NFATC2: variants seen among roughly 807,000 people sequenced by gnomAD.
NFATC2 encodes the protein nuclear factor of activated T-cells, cytoplasmic 2.
Under a neutral mutation model 87.3 loss-of-function variants are expected in NFATC2, and 22 were observed. The observed-to-expected ratio is 0.25, with a 90% CI of 0.18 to 0.36. The LOEUF is 0.36. NFATC2 is among the 10% of genes least tolerant of loss of function. The pLI is 1.00. For synonymous variants in NFATC2, 565 were observed against 542.2 expected, an observed-to-expected ratio of 1.04 and a Z score of -0.58; for missense variants, 1,149 against 1,259.1, an observed-to-expected ratio of 0.91 and a Z score of 1.32.
intron 1 of NFATC2, among the ~76,000 whole-genome samples, chr20:51,527,099 C>T (rs1365787684): frequency 6.6e-6 from 1 of 151,922 alleles, no homozygotes; most frequent in African/African-American, 2.4e-5. Flanking sequence ...GGAGGTCTCA[C>T]TATGTTGCCC....
intron 6 of NFATC2, among the ~76,000 whole-genome samples, chr20:51,442,348 C>A (rs1448085503): frequency 2.0e-5 from 3 of 152,204 alleles, no homozygotes; most frequent in Non-Finnish European, 4.4e-5. Context: ...ATGAGAATCA[C>A]TTGAATCCGG....
At chr20:51,437,945 A>G (rs928304700) in intron 6 of NFATC2, among the ~76,000 whole-genome samples, 1 of 152,190 alleles carries the variant, frequency 6.6e-6, no homozygotes, top group Non-Finnish European at 1.5e-5. Flanking sequence ...AACATCACCC[A>G]TGCCCCCTTG....
intron 6 of NFATC2, among the ~76,000 whole-genome samples, chr20:51,436,407 TTTA>T (rs1434439609): frequency 4.0e-5 from 6 of 151,362 alleles, no homozygotes; most frequent in Admixed American, 6.6e-5. Flanking sequence ...TTTTTTTTTT[TTTA>T]AAAAGGCATT....
intron 4 of NFATC2, among the ~76,000 whole-genome samples, chr20:51,474,607 C>T (rs889252528): frequency 3.9e-5 from 6 of 152,162 alleles, no homozygotes; most frequent in Non-Finnish European, 7.4e-5. Context: ...CAGGAAAAAA[C>T]GGAGAGGTGG....
intron 3 of NFATC2, among the ~76,000 whole-genome samples, chr20:51,516,367 A>G (rs183598935): frequency 6.6e-6 from 1 of 152,360 alleles, no homozygotes; most frequent in African/African-American, 2.4e-5. Context: ...TATTTTAGGT[A>G]GTTTGATAAT....
chr20:51,482,367 CTT>C (rs11476808), intron 3 of NFATC2, among the ~76,000 whole-genome samples: 75 of 149,246 alleles, frequency 5.0e-4, no homozygotes, highest in Admixed American at 5.3e-4. Flanking sequence ...CTTGCTGTTC[CTT>C]TTTTTTTTTG....
chr20:51,524,024 T>G lies in NFATC2; in HGVS notation c.217A>C (p.Ser73Arg). 1.3e-6 allele frequency: 2 copies of G among 1,552,924 alleles called. No homozygotes were observed. Among genetic ancestry groups the G allele is most frequent in the South Asian group, 2.4e-5 (2 of 81,840 alleles). Residue 73 changes from serine (S) to arginine (R), a missense_variant, in exon 2 of 11, where the codon AGC becomes CGC. Transcript: ENST00000371564. The surrounding 1 kb of genome is among the most constrained non-coding windows in gnomAD (Gnocchi z 4.0). ...DVLDYGLKPYSPLASLSGEPP... is the reference protein window; with the variant it reads ...DVLDYGLKPYRPLASLSGEPP... ...TCGCCAGAGAGACTAGCAAGGGGGC[T>G]GTATGGCTTGAGGCCATAGTCCAGG...
chr20:51,481,153 C>G (rs1459130756), intron 3 of NFATC2, among the ~76,000 whole-genome samples: 1 of 152,206 alleles, frequency 6.6e-6, no homozygotes, highest in Non-Finnish European at 1.5e-5. Context: ...TCTGGAAGAG[C>G]CTTCCTCGCC....
At chr20:51,542,741 CGGGGAGGCGGGGGGG>C, upstream of NFATC2, 6 of 83,490 alleles carry the variant, frequency 7.2e-5, no homozygotes, top group Non-Finnish European at 7.9e-5. Flanking sequence ...TGTTGCAGCC[CGGGGAGGCGGGGGGG>C]GGGGGGGCGT....
intron 1 of NFATC2, among the ~76,000 whole-genome samples, chr20:51,535,519 C>T (rs2076705524): frequency 6.6e-6 from 1 of 152,202 alleles, no homozygotes; most frequent in South Asian, 2.1e-4. Flanking sequence ...TACTTTTCCC[C>T]AGGAGCTTTC....
At chr20:51,439,912 A>G (rs1249864538) in intron 6 of NFATC2, among the ~76,000 whole-genome samples, 1 of 152,188 alleles carries the variant, frequency 6.6e-6, no homozygotes, top group African/African-American at 2.4e-5. Flanking sequence ...CTGAAGATTA[A>G]ATATGGTAAC....
At chr20:51,468,441 C>T (rs542815376) in intron 5 of NFATC2, among the ~76,000 whole-genome samples, 1 of 152,344 alleles carries the variant, frequency 6.6e-6, no homozygotes, top group Admixed American at 6.5e-5. Context: ...AGCGAATTTA[C>T]ATTCTGTGCC....
chr20:51,524,075 A>C lies in NFATC2; in HGVS notation c.166T>G (p.Ser56Ala). 6.8e-7 allele frequency: 1 copy of C among 1,478,638 alleles called. No homozygotes were observed. Among genetic ancestry groups the C allele is most frequent in the Non-Finnish European group, 8.9e-7 (1 of 1,117,886 alleles). The allele number at this position is 1,478,638 out of a possible 1,614,324, so 91.6% of individuals were successfully genotyped here. A position where few individuals can be genotyped will look rare whatever the true frequency, so the allele number is the denominator to read the frequency against. The stretch of plus-strand genomic sequence containing the variant: ...ACATCATCGGGGTATGCGGGTCCGG[A>C]GGGTGGGCTGGCGACCTTATGTGCA... The part of the protein sequence containing the change: ...PNAHKVASPP[S>A]GPAYPDDVLD... Residue 56 changes from serine (S) to alanine (A), a missense_variant, in exon 2 of 11, where the codon TCC becomes GCC. Ser to Ala is a moderately conservative substitution (Grantham distance 99). Around this residue, in one of 3 missense-constraint regions of NFATC2, gnomAD observed 563 missense variants for 585.2 expected, o/e 0.96. Transcript: ENST00000371564. This position sits in a 1 kb window ranked among gnomAD's most constrained non-coding sequence, Gnocchi z 4.0.
intron 9 of NFATC2, among the ~76,000 whole-genome samples, chr20:51,401,777 A>ATAATT (rs1429078385): frequency 6.6e-6 from 1 of 152,180 alleles, no homozygotes; most frequent in African/African-American, 2.4e-5. Context: ...GGACTAGGTG[A>ATAATT]TAATTTAAGA....
Position 51,432,566 on chromosome 20 carries a change from G to T in NFATC2, c.2223C>A (p.Arg741=). 1 of 1,537,384 alleles carries T rather than the reference G, an allele frequency of 6.5e-7. No individual in the cohort carries two copies. ...FRTGLSSPDA[R]YQQQNPAAVL... is the part of the protein sequence containing the mutation. ...CGGCCGCTGGGTTCTGTTGCTGGTAGCGGGCGTCAGGGGATGAGAGCCCCG... is the reference window on the plus strand; with the variant it reads ...CGGCCGCTGGGTTCTGTTGCTGGTATCGGGCGTCAGGGGATGAGAGCCCCG... The change falls in exon 9 of 11, where the codon CGC becomes CGA. Residue 741 remains arginine, a synonymous_variant. Transcript: ENST00000371564. This position sits in a 1 kb window ranked among gnomAD's most constrained non-coding sequence, Gnocchi z 4.6.
intron 8 of NFATC2, among the ~76,000 whole-genome samples, chr20:51,434,168 G>C (rs896139158): frequency 4.0e-5 from 6 of 151,156 alleles, no homozygotes; most frequent in African/African-American, 9.8e-5. Flanking sequence ...CAAAACTGTG[G>C]GCACAAGTCA....
At chr20:51,491,695 T>G (rs1322490463) in intron 3 of NFATC2, among the ~76,000 whole-genome samples, 1 of 151,574 alleles carries the variant, frequency 6.6e-6, no homozygotes, top group East Asian at 2.0e-4. Flanking sequence ...AAAAATCAGC[T>G]CTCACAAGGC....
chr20:51,432,838 G>T lies in NFATC2; in HGVS notation c.2033-82C>A. 1 of 1,301,958 alleles carries T rather than the reference G, an allele frequency of 7.7e-7. No individual in the cohort carries two copies. Among genetic ancestry groups the T allele is most frequent in the South Asian group, 1.6e-5 (1 of 63,090 alleles). 80.7% of individuals were successfully genotyped at this position (1,301,958 alleles called of 1,614,324 possible). A position where few individuals can be genotyped will look rare whatever the true frequency, so the allele number is the denominator to read the frequency against. On this transcript the variant is annotated intron_variant, in intron 8 of 10. Coordinates refer to ENST00000371564, the MANE Select transcript of NFATC2 (RefSeq NM_012340.5). This position sits in a 1 kb window ranked among gnomAD's most constrained non-coding sequence, Gnocchi z 4.6. ...CGGAGGATTCGTGGATGGTGCTTGAGAACATGGCCTTGGGAGTCCATACGG... is the reference window on the plus strand; with the variant it reads ...CGGAGGATTCGTGGATGGTGCTTGATAACATGGCCTTGGGAGTCCATACGG...
chr20:51,487,539 G>T (rs114110872), intron 3 of NFATC2, among the ~76,000 whole-genome samples: 137 of 152,276 alleles, frequency 9.0e-4, no homozygotes, highest in Middle Eastern at 3.4e-3. Context: ...CTGCAGTTCA[G>T]CTTTGAAAAA....
Sources: allele counts gnomAD v4.1 joint callset (sites outside exome capture counted in the v4.1 genomes callset), GRCh38; gene constraint gnomAD v4.1.1; regional missense constraint gnomAD v4.1.1; non-coding constraint Gnocchi (gnomAD v3.1); transcripts MANE v1.5; gene names NCBI Gene and HGNC (gene_info 2026-07-23, HGNC 2026-07-21).